The following CAMK1D variants were observed in gnomAD, a reference collection of about 807,000 sequenced individuals.
CAMK1D encodes the protein calcium/calmodulin dependent protein kinase ID, also known as calcium/calmodulin-dependent protein kinase type 1D.
CAMK1D carries 9 observed loss-of-function variants against 47.7 expected under a neutral mutation model. The observed-to-expected ratio is 0.19, with a 90% CI of 0.11 to 0.33. CAMK1D has a LOEUF of 0.33. Among genes scored for constraint, CAMK1D ranks in the 10% least tolerant of loss-of-function variants. The pLI is 1.00. For missense variants in CAMK1D, 291 were observed against 488.7 expected (o/e 0.60, Z 3.81); for synonymous variants, 184 against 184.9 (o/e 0.99, Z 0.04).
chr10:12,731,944 A>G (rs1834907389), intron 3 of CAMK1D, among the ~76,000 whole-genome samples: 1 of 152,126 alleles, frequency 6.6e-6, no homozygotes, highest in South Asian at 2.1e-4. Context: ...ATTGGACTCC[A>G]TTCAAATACC....
rs186319096 is a variant in CAMK1D, at chr10:12,495,613, G to A, written c.93-57612G>A. ...TTTGTGTATTGCTCATTTAGCTTTC[G>A]ACGTCCTTTGGAAAGTTGAGGAATA... On this transcript the variant is annotated intron_variant, in intron 1 of 10. Transcript: ENST00000619168. 5.9e-5 allele frequency among the ~76,000 whole-genome samples: 9 copies of A among 152,204 alleles called. No individual in the cohort carries two copies. The East Asian group carries it at 7.7e-4, about 13-fold the overall frequency.
chr10:12,505,171 A>G (rs1426740547), intron 1 of CAMK1D, among the ~76,000 whole-genome samples: 1 of 152,202 alleles, frequency 6.6e-6, no homozygotes, highest in African/African-American at 2.4e-5. Context: ...CCGTGTGAGC[A>G]GTCTAAGAGA....
intron 3 of CAMK1D, among the ~76,000 whole-genome samples, chr10:12,694,478 T>C (rs183534288): frequency 1.1e-5 from 1 of 91,752 alleles, no homozygotes; most frequent in Non-Finnish European, 2.0e-5. Context: ...ATATATAAAA[T>C]ATATATGATA....
intron 4 of CAMK1D, among the ~76,000 whole-genome samples, chr10:12,766,060 G>A (rs1836742671): frequency 6.7e-6 from 1 of 148,292 alleles, no homozygotes; most frequent in Admixed American, 6.9e-5. Context: ...CTGCCTCCCA[G>A]GTTCAAGTGA....
intron 6 of CAMK1D, among the ~76,000 whole-genome samples, chr10:12,808,682 G>A (rs189446029): frequency 3.9e-5 from 6 of 152,210 alleles, no homozygotes; most frequent in Non-Finnish European, 8.8e-5. Flanking sequence ...GGAGGCTGAC[G>A]TAGGAGAATC....
chr10:12,611,588 C>CTTT (rs71386105), intron 2 of CAMK1D, among the ~76,000 whole-genome samples: 2,240 of 59,906 alleles, frequency 0.037, 466 homozygotes, highest in Non-Finnish European at 0.052. Context: ...TTCAGAATGC[C>CTTT]TTTTTTTTTT....
chr10:12,628,358 G>C (rs1055308587), intron 2 of CAMK1D, among the ~76,000 whole-genome samples: 1 of 152,140 alleles, frequency 6.6e-6, no homozygotes, highest in Non-Finnish European at 1.5e-5. Context: ...TTAAATTTTA[G>C]CCATTCTAGT....
At chr10:12,511,539 ATG>A (rs1326101089) in intron 1 of CAMK1D, among the ~76,000 whole-genome samples, 1 of 152,150 alleles carries the variant, frequency 6.6e-6, no homozygotes, top group Non-Finnish European at 1.5e-5. Flanking sequence ...TGAGCCCAGG[ATG>A]TTGAGGCTGT....
Position 12,575,196 on chromosome 10 carries a change from G to A in CAMK1D, c.224+21840G>A, listed in dbSNP as rs146060982. Among the ~76,000 whole-genome samples, 78 of 152,186 alleles carry A rather than the reference G, an allele frequency of 5.1e-4. 1 individual carries two copies. The East Asian group carries it at 0.014, about 27-fold the overall frequency. On this transcript the variant is annotated intron_variant, in intron 2 of 10. Coordinates refer to ENST00000619168, the MANE Select transcript of CAMK1D (RefSeq NM_153498.4). ...CAACCTCTGCTGCCCAGGTTCAAGC[G>A]ATTCTCCTGCCTCAGCCTCGCAAGT...
intron 1 of CAMK1D, among the ~76,000 whole-genome samples, chr10:12,485,312 CAGTGGTGG>C: frequency 6.6e-6 from 1 of 152,282 alleles, no homozygotes; most frequent in African/African-American, 2.4e-5. Flanking sequence ...GGACTGTGGC[CAGTGGTGG>C]CTCCTGGGAT....
intron 1 of CAMK1D, among the ~76,000 whole-genome samples, chr10:12,473,016 G>A (rs1020563051): frequency 2.0e-5 from 3 of 152,212 alleles, no homozygotes; most frequent in Non-Finnish European, 4.4e-5. Flanking sequence ...AGAGGAAAGT[G>A]AGCGTATGCC....
chr10:12,633,581 G>A (rs898841658), intron 2 of CAMK1D, among the ~76,000 whole-genome samples: 1 of 152,154 alleles, frequency 6.6e-6, no homozygotes, highest in Non-Finnish European at 1.5e-5. Flanking sequence ...TTTTGAGGTA[G>A]CATCTCACTC....
At chr10:12,807,582 A>G (rs1838790069) in intron 6 of CAMK1D, among the ~76,000 whole-genome samples, 1 of 152,192 alleles carries the variant, frequency 6.6e-6, no homozygotes, top group East Asian at 1.9e-4. Flanking sequence ...CTGAGCAGGC[A>G]GCGTCCACTG....
At chr10:12,408,757 A>G (rs1246562069) in intron 1 of CAMK1D, among the ~76,000 whole-genome samples, 5 of 151,808 alleles carry the variant, frequency 3.3e-5, no homozygotes, top group African/African-American at 1.2e-4. Flanking sequence ...TGATGTGCCC[A>G]CGTGTTGGCA....
chr10:12,783,674 G>A (rs1460608470), intron 5 of CAMK1D, among the ~76,000 whole-genome samples: 3 of 152,280 alleles, frequency 2.0e-5, no homozygotes, highest in African/African-American at 4.8e-5. Flanking sequence ...CTCTTCTTTG[G>A]TAAGGAAAAT....
At position 12,383,371 on chromosome 10, in the gene CAMK1D, AT is replaced by A. The variant is rs555238378; in HGVS notation, c.92+33464del. ...GTCGAAGCAGGAAAATTGGTACAGA[AT>A]TTCAGAACATGCTCAGAATAAAGCC... On this transcript the variant is annotated intron_variant, in intron 1 of 10. Transcript: ENST00000619168. Among the ~76,000 whole-genome samples, 529 of 152,334 alleles carry A rather than the reference AT, an allele frequency of 3.5e-3. 1 individual carries two copies. Among genetic ancestry groups the A allele is most frequent in the South Asian group, 0.014 (66 of 4,830 alleles).
At chr10:12,635,135 T>C (rs2132474230) in intron 2 of CAMK1D, among the ~76,000 whole-genome samples, 1 of 150,900 alleles carries the variant, frequency 6.6e-6, no homozygotes, top group Middle Eastern at 3.4e-3. Flanking sequence ...ATGAGAGAGG[T>C]TGATGTGGGG....
chr10:12,762,696 T>C (rs1386154968), intron 4 of CAMK1D, among the ~76,000 whole-genome samples: 2 of 152,200 alleles, frequency 1.3e-5, no homozygotes, highest in African/African-American at 2.4e-5. Context: ...TCTTAGTGGA[T>C]CCCTTTGAGC....
chr10:12,759,008 T>C (rs1266005802), intron 3 of CAMK1D, among the ~76,000 whole-genome samples: 1 of 152,208 alleles, frequency 6.6e-6, no homozygotes, highest in Non-Finnish European at 1.5e-5. Flanking sequence ...CTCACTGGCA[T>C]GTAATGGGCA....
Sources: gnomAD v4.1 joint callset for allele counts (sites outside exome capture counted in the v4.1 genomes callset) on GRCh38, gnomAD v4.1.1 for gene constraint, MANE v1.5 for transcripts, NCBI Gene and HGNC (gene_info 2026-07-23, HGNC 2026-07-21) for gene names.